Variants in KANK1 observed in about 807,000 individuals in gnomAD.
KANK1 encodes the protein KN motif and ankyrin repeat domains 1, also known as KN motif and ankyrin repeat domain-containing protein 1.
In KANK1, 109 loss-of-function variants were observed where a neutral mutation model predicts 106.2. The observed-to-expected ratio is 1.03, with a 90% confidence interval of 0.88 to 1.20. KANK1 has a LOEUF of 1.20. Among genes scored for constraint, KANK1 ranks in the 50% most tolerant of loss-of-function variants. The pLI is 0.00. For synonymous variants in KANK1, 873 were observed against 652.2 expected, an observed-to-expected ratio of 1.34 and a Z score of -5.16; for missense variants, 2,399 against 1,710.7, an observed-to-expected ratio of 1.40 and a Z score of -7.10.
At chr9:647,721 G>T (rs1483270495) in intron 1 of KANK1, among the ~76,000 whole-genome samples, 1 of 150,762 alleles carries the variant, frequency 6.6e-6, no homozygotes, top group African/African-American at 2.5e-5. Flanking sequence ...TTTTTTACTT[G>T]TTAACTCAGA....
intron 1 of KANK1, among the ~76,000 whole-genome samples, chr9:532,207 G>C (rs951082817): frequency 1.3e-5 from 2 of 149,946 alleles, no homozygotes; most frequent in African/African-American, 4.9e-5. Context: ...TTCGTGTACA[G>C]AGATTTAAAA....
At chr9:690,468 T>C (rs1473462358) in intron 2 of KANK1, among the ~76,000 whole-genome samples, 3 of 152,062 alleles carry the variant, frequency 2.0e-5, no homozygotes, top group African/African-American at 7.2e-5. Flanking sequence ...GCTGAAGTAA[T>C]CATACCTTGC....
intron 1 of KANK1, among the ~76,000 whole-genome samples, chr9:541,921 C>G (rs1200918381): frequency 5.3e-5 from 8 of 151,352 alleles, no homozygotes; most frequent in African/African-American, 1.7e-4. Flanking sequence ...AACCCCGTCT[C>G]TACTAAAAAT....
intron 1 of KANK1, among the ~76,000 whole-genome samples, chr9:521,544 A>G (rs916992357): frequency 1.4e-5 from 2 of 142,244 alleles, no homozygotes; most frequent in Non-Finnish European, 3.0e-5. Context: ...GGAATTCTCT[A>G]CTTTCTTTTC....
At chr9:729,546 A>G (rs1425706511) in intron 3 of KANK1, among the ~76,000 whole-genome samples, 1 of 152,236 alleles carries the variant, frequency 6.6e-6, no homozygotes, top group African/African-American at 2.4e-5. Flanking sequence ...TCCCTGTCCC[A>G]GTAAGGACGA....
At chr9:524,367 G>C (rs941268078) in intron 1 of KANK1, among the ~76,000 whole-genome samples, 1 of 111,238 alleles carries the variant, frequency 9.0e-6, no homozygotes, top group African/African-American at 5.9e-5. Flanking sequence ...ACTTTTTGGA[G>C]TGTATGTGTA....
At chr9:480,031 A>G (rs1490470655) in intron 3 of KANK1, among the ~76,000 whole-genome samples, 1 of 152,226 alleles carries the variant, frequency 6.6e-6, no homozygotes, top group Non-Finnish European at 1.5e-5. Flanking sequence ...CACTGCATCA[A>G]AACTAGAATC....
chr9:676,790 C>T, intron 1 of KANK1, 100 bp from the exon 2 acceptor site: 1 of 548,898 alleles, frequency 1.8e-6, no homozygotes, highest in Non-Finnish European at 3.3e-6. Context: ...TTCCGATTTC[C>T]TTTCTCTGTT....
intron 3 of KANK1, chr9:495,313 G>A (rs1049718265): frequency 4.6e-5 from 7 of 152,116 alleles, no homozygotes; most frequent in African/African-American, 1.2e-4. Flanking sequence ...TGACTTAACC[G>A]TTCTTTGTTG....
chr9:629,602 G>T (rs147783733), intron 1 of KANK1, among the ~76,000 whole-genome samples: 1 of 152,280 alleles, frequency 6.6e-6, no homozygotes, highest in Non-Finnish European at 1.5e-5. Flanking sequence ...CACATCCTGA[G>T]AGAAGTGCAT....
chr9:712,311 G>C lies in KANK1; in HGVS notation c.1545G>C (p.Val515=). The change falls in exon 3 of 12, where the codon GTG becomes GTC. Residue 515 remains valine (V), a synonymous_variant. Coordinates refer to ENST00000382297, the MANE Select transcript of KANK1 (RefSeq NM_015158.5). ...CCCAGCCGCTTGTTTTCAGTAAGGTGGTGGAGGCAGTGGTGCAGACCAGAG... is the reference window on the plus strand; with the variant it reads ...CCCAGCCGCTTGTTTTCAGTAAGGTCGTGGAGGCAGTGGTGCAGACCAGAG... The part of the protein sequence containing the change: ...TMAQPLVFSK[V]VEAVVQTRDQ... The C allele has an allele frequency of 6.2e-7, 1 of 1,614,226 alleles. No individual in the cohort carries two copies.
At chr9:543,374 G>A (rs1474551401) in intron 1 of KANK1, among the ~76,000 whole-genome samples, 1 of 151,914 alleles carries the variant, frequency 6.6e-6, no homozygotes, top group Non-Finnish European at 1.5e-5. Flanking sequence ...TGGCCAACAT[G>A]GTGAAACCCC....
chr9:666,901 C>CTTTTTTTTTTT lies in KANK1; in HGVS notation c.-83-9975_-83-9965dup, dbSNP rs35149316. On this transcript the variant is annotated intron_variant, in intron 1 of 11. Coordinates refer to ENST00000382297, the MANE Select transcript of KANK1 (RefSeq NM_015158.5). The stretch of plus-strand genomic sequence containing the variant: ...ATCAGTGAAATTAGCCTATTGTTGT[C>CTTTTTTTTTTT]TTTTTTTTTTTTTTTTTTTTTTTTG... Among the ~76,000 whole-genome samples, 103 of 53,484 alleles carry CTTTTTTTTTTT rather than the reference C, an allele frequency of 1.9e-3. 1 individual carries two copies. The highest frequency in any genetic ancestry group is 2.1e-3 in the Non-Finnish European group (65 of 31,534). 35.1% of individuals were successfully genotyped at this position (53,484 alleles called of 152,430 possible). A position where few individuals can be genotyped will look rare whatever the true frequency, so the allele number is the denominator to read the frequency against.
chr9:660,086 T>C, intron 1 of KANK1: 1 of 427,660 alleles, frequency 2.3e-6, no homozygotes, highest in South Asian at 2.0e-5. Flanking sequence ...CATATAAGAA[T>C]TCATCCAACA....
intron 1 of KANK1, among the ~76,000 whole-genome samples, chr9:671,734 C>G (rs1051681853): frequency 2.0e-5 from 3 of 151,620 alleles, no homozygotes; most frequent in African/African-American, 7.3e-5. Flanking sequence ...TACAGTTGCT[C>G]TAAAAACATA....
At chr9:534,076 A>G (rs1394853443) in intron 1 of KANK1, among the ~76,000 whole-genome samples, 2 of 152,204 alleles carry the variant, frequency 1.3e-5, no homozygotes, top group East Asian at 3.8e-4. Context: ...GGGGGGCAGA[A>G]CCAGTTGTTT....
chr9:711,348 C>T lies in KANK1; in HGVS notation c.582C>T (p.Ser194=). 1 of 1,614,142 alleles carries T rather than the reference C, an allele frequency of 6.2e-7. No homozygotes were observed. The highest frequency in any genetic ancestry group is 8.5e-7 in the Non-Finnish European group (1 of 1,180,028). The change falls in exon 3 of 12, where the codon AGC becomes AGT. Residue 194 remains serine, a synonymous_variant. Coordinates refer to ENST00000382297, the MANE Select transcript of KANK1 (RefSeq NM_015158.5). ...LASFGGMGTT[S]SLPSFVGSGN... The stretch of plus-strand genomic sequence containing the variant: ...GTTTTGGAGGCATGGGCACCACAAG[C>T]TCCCTCCCTTCTTTTGTGGGTTCTG...
Position 569,986 on chromosome 9 carries a change from C to T in KANK1, c.-84+65232C>T, listed in dbSNP as rs548816777. On this transcript the variant is annotated intron_variant, in intron 1 of 11. Transcript: ENST00000382297. ...ACACCTTCCCCACCCCAGGCCTTTT[C>T]ATTACTTTCAACACAGTCTCGTATT... 3.3e-5 allele frequency among the ~76,000 whole-genome samples: 5 copies of T among 152,260 alleles called. No homozygotes were observed. In the East Asian group the frequency reaches 9.7e-4, roughly 29 times the overall value.
chr9:718,849 A>G (rs986304471), intron 3 of KANK1, among the ~76,000 whole-genome samples: 1 of 152,142 alleles, frequency 6.6e-6, no homozygotes, highest in Non-Finnish European at 1.5e-5. Flanking sequence ...TTTTCCTCAC[A>G]AAGTAGTATG....
Sources: gnomAD v4.1 joint callset for allele counts (sites outside exome capture counted in the v4.1 genomes callset) on GRCh38, gnomAD v4.1.1 for gene constraint, MANE v1.5 for transcripts, NCBI Gene and HGNC (gene_info 2026-07-23, HGNC 2026-07-21) for gene names.